MARF1: variants seen among roughly 807,000 people sequenced by gnomAD.
MARF1 encodes limkain-b1.
MARF1 carries 24 observed loss-of-function variants against 168.2 expected under a neutral mutation model. The observed-to-expected ratio is 0.14, with a 90% CI of 0.10 to 0.20. The LOEUF is 0.20. Among genes scored for constraint, MARF1 ranks in the 10% least tolerant of loss-of-function variants. The probability of loss-of-function intolerance (pLI) is 1.00; values close to 1 mark genes in which losing one functional copy is unlikely to be tolerated. For missense variants in MARF1, 1,744 were observed against 2,143.6 expected (o/e 0.81, Z 3.68); for synonymous variants, 868 against 822.4 (o/e 1.06, Z -0.95).
At chr16:15,619,770 T>C (rs1373175344) in intron 13 of MARF1, among the ~76,000 whole-genome samples, 1 of 152,182 alleles carries the variant, frequency 6.6e-6, no homozygotes, top group African/African-American at 2.4e-5. Flanking sequence ...CTGCTAAGCA[T>C]CTACTATGGG....
At position 15,643,090 on chromosome 16, in the gene MARF1, T is replaced by G. The variant is rs2036159930; in HGVS notation, c.-131A>C. 1 of 277,650 alleles carries G rather than the reference T, an allele frequency of 3.6e-6. No homozygotes were observed. The highest frequency in any genetic ancestry group is 2.7e-5 in the South Asian group (1 of 36,448). 17.2% of individuals were successfully genotyped at this position (277,650 alleles called of 1,614,324 possible). On this transcript the variant is annotated 5_prime_UTR_variant, in exon 1 of 27. Coordinates refer to ENST00000396368, the MANE Select transcript of MARF1 (RefSeq NM_014647.4). ...CCCCCCGCCCCCCCCAGGCCCTTTGTTTTGATTCCCGACTCCGCAGCTCCC... is the reference window on the plus strand; with the variant it reads ...CCCCCCGCCCCCCCCAGGCCCTTTGGTTTGATTCCCGACTCCGCAGCTCCC...
Position 15,617,092 on chromosome 16 carries a change from T to G in MARF1, c.3037A>C (p.Ser1013Arg), listed in dbSNP as rs2034114266. ...GTGCCCTCGTGGGTCTGGAGAAGAC[T>G]GTGAACCTGGGGCGCAAATGTCTTC... is the stretch of plus-strand genomic sequence containing the variant. Reference protein sequence around the residue: ...SLKTFAPQVHSLLQTHEGTVP... With the variant: ...SLKTFAPQVHRLLQTHEGTVP... Residue 1013 changes from serine (S) to arginine (R), a missense_variant, in exon 15 of 27, where the codon AGT becomes CGT. Physicochemically the swap from Ser to Arg is moderately radical, Grantham distance 110. Around this residue, in one of 7 missense-constraint regions of MARF1, gnomAD observed 543 missense variants for 742.1 expected, o/e 0.73. Coordinates refer to ENST00000396368, the MANE Select transcript of MARF1 (RefSeq NM_014647.4). 4 of 1,614,188 alleles carry G rather than the reference T, an allele frequency of 2.5e-6. 1 individual carries two copies. The South Asian group carries it at 4.4e-5, about 18-fold the overall frequency.
intron 7 of MARF1, among the ~76,000 whole-genome samples, chr16:15,626,948 A>G: frequency 7.5e-6 from 1 of 132,990 alleles, no homozygotes; most frequent in East Asian, 2.3e-4. Context: ...TGGGCGACAG[A>G]GCGAGATTCT....
At chr16:15,632,133 C>A (rs1254928051) in intron 5 of MARF1, among the ~76,000 whole-genome samples, 2 of 152,176 alleles carry the variant, frequency 1.3e-5, no homozygotes, top group Admixed American at 1.3e-4. Flanking sequence ...GTGACTAACC[C>A]TGCTCTCATC....
rs2032816533 is a variant in MARF1, at chr16:15,604,362, T to C, written c.4219A>G (p.Ile1407Val). 6.2e-7 allele frequency: 1 copy of C among 1,614,104 alleles called. No individual in the cohort carries two copies. The highest frequency in any genetic ancestry group is 8.5e-7 in the Non-Finnish European group (1 of 1,179,976). Residue 1407 changes from isoleucine to valine, a missense_variant, in exon 22 of 27, where the codon ATC becomes GTC. Ile to Val is a conservative substitution (Grantham distance 29). Transcript: ENST00000396368. ...DIESGRQIQL[I>V]NRKSLRSLTA... The stretch of plus-strand genomic sequence containing the variant: ...AGAGATCGCAGAGACTTTCGGTTGA[T>C]CAGCTGAATCTGTCTGCCAGATTCT...
intron 21 of MARF1, among the ~76,000 whole-genome samples, chr16:15,607,262 G>A (rs2033096958): frequency 1.3e-5 from 2 of 152,164 alleles, no homozygotes; most frequent in Admixed American, 1.3e-4. Flanking sequence ...TTAAAAAACA[G>A]TGGGGGCTGG....
At chr16:15,629,095 C>T (rs1230683368) in intron 7 of MARF1, among the ~76,000 whole-genome samples, 2 of 149,022 alleles carry the variant, frequency 1.3e-5, no homozygotes, top group African/African-American at 2.5e-5. Flanking sequence ...AGTGCAGTGG[C>T]GCGATCTCAG....
chr16:15,631,759 C>G (rs1185289824), intron 5 of MARF1, among the ~76,000 whole-genome samples: 1 of 152,040 alleles, frequency 6.6e-6, no homozygotes, highest in Non-Finnish European at 1.5e-5. Flanking sequence ...CCAACCCCGA[C>G]AGACAGACCC....
chr16:15,636,068 C>G lies in MARF1; in HGVS notation c.419G>C (p.Ser140Thr). The G allele has an allele frequency of 1.2e-6, 2 of 1,614,222 alleles. No individual in the cohort carries two copies. Among genetic ancestry groups the G allele is most frequent in the South Asian group, 1.1e-5 (1 of 91,086 alleles). The part of the protein sequence containing the change: ...IHPGALLDSQ[S>T]TRTITCQVGS... ...TACCTGACACGTGATTGTCCTGGTG[C>G]TTTGCGAGTCTAACAGTGCGCCCGG... is the stretch of plus-strand genomic sequence containing the variant. Residue 140 changes from serine (S) to threonine (T), a missense_variant, in exon 3 of 27, where the codon AGC (serine) becomes ACC (threonine). Coordinates refer to ENST00000396368, the MANE Select transcript of MARF1 (RefSeq NM_014647.4).
chr16:15,613,684 T>TAAATAAATAAATAAAATAAAATA (rs1555524005), intron 16 of MARF1, among the ~76,000 whole-genome samples: 22 of 146,302 alleles, frequency 1.5e-4, no homozygotes, highest in African/African-American at 5.3e-4. Context: ...AATAAATAAA[T>TAAATAAATAAATAAAATAAAATA]AAATAAAATA....
chr16:15,618,595 C>T (rs978001278), intron 13 of MARF1, among the ~76,000 whole-genome samples: 6 of 152,184 alleles, frequency 3.9e-5, no homozygotes, highest in African/African-American at 1.4e-4. Context: ...TCTCTTGGCA[C>T]ACATCCTGGG....
chr16:15,633,037 G>T (rs2151279228), intron 5 of MARF1, among the ~76,000 whole-genome samples: 1 of 152,004 alleles, frequency 6.6e-6, no homozygotes, highest in South Asian at 2.1e-4. Flanking sequence ...AAATTAGGGA[G>T]CATAACTGAA....
intron 2 of MARF1, 126 bp downstream of exon 2, chr16:15,638,964 C>T: frequency 1.0e-5 from 9 of 892,452 alleles, no homozygotes; most frequent in Non-Finnish European, 1.5e-5. Flanking sequence ...AGAGGCAATA[C>T]AGGCAAGATC....
At chr16:15,641,724 A>G (rs1596519836) in intron 1 of MARF1, among the ~76,000 whole-genome samples, 1 of 152,314 alleles carries the variant, frequency 6.6e-6, no homozygotes, top group Non-Finnish European at 1.5e-5. Context: ...AAGAAACTTA[A>G]TGAAGTTTTG....
chr16:15,624,658 G>A (rs1466555395), intron 10 of MARF1, 111 bp downstream of exon 10: 20 of 1,003,404 alleles, frequency 2.0e-5, no homozygotes, highest in African/African-American at 3.2e-5. Context: ...AGTGATGGGA[G>A]ACTTACTTTG....
chr16:15,622,856 G>T, intron 11 of MARF1, 78 bp downstream of exon 11: 1 of 1,175,680 alleles, frequency 8.5e-7, no homozygotes, highest in Non-Finnish European at 1.2e-6. Flanking sequence ...CTGTGGTTAT[G>T]TATATCAAAT....
chr16:15,641,587 C>T (rs1057110359), intron 1 of MARF1, among the ~76,000 whole-genome samples: 1 of 152,124 alleles, frequency 6.6e-6, no homozygotes, highest in African/African-American at 2.4e-5. Flanking sequence ...TGCAGCAGGC[C>T]TGTGCTTGGC....
At chr16:15,618,446 G>A (rs745655372) in intron 13 of MARF1, among the ~76,000 whole-genome samples, 6 of 152,070 alleles carry the variant, frequency 3.9e-5, no homozygotes, top group South Asian at 4.1e-4. Context: ...TGTTACCCCC[G>A]AGTCTCTCAG....
chr16:15,622,856 G>A (rs933967405), intron 11 of MARF1, 78 bp downstream of exon 11: 1 of 1,175,562 alleles, frequency 8.5e-7, no homozygotes, highest in African/African-American at 1.5e-5. Context: ...CTGTGGTTAT[G>A]TATATCAAAT....
Sources: gnomAD v4.1 joint callset for allele counts (sites outside exome capture counted in the v4.1 genomes callset) on GRCh38, gnomAD v4.1.1 for gene constraint, gnomAD v4.1.1 regional missense constraint, MANE v1.5 for transcripts, NCBI Gene and HGNC (gene_info 2026-07-23, HGNC 2026-07-21) for gene names.